GPSM1: variants seen among roughly 807,000 people sequenced by gnomAD.
GPSM1 encodes G protein signaling modulator 1.
A neutral mutation model predicts 70.5 loss-of-function variants in GPSM1; 48 were observed. That is an observed-to-expected ratio of 0.68 (90% confidence interval 0.54 to 0.87). The LOEUF is 0.87. GPSM1 is among the 40% of genes least tolerant of loss of function. The probability of loss-of-function intolerance (pLI) is 0.00; values close to 1 mark genes in which losing one functional copy is unlikely to be tolerated. For synonymous variants in GPSM1, 416 were observed against 430.1 expected (o/e 0.97, Z 0.41); for missense variants, 981 against 972.6 (o/e 1.01, Z -0.11).
intron 11 of GPSM1, among the ~76,000 whole-genome samples, 171 bp downstream of exon 11, chr9:136,349,934 C>T (rs1281230840): frequency 6.6e-6 from 1 of 152,216 alleles, no homozygotes; most frequent in Non-Finnish European, 1.5e-5. Flanking sequence ...GGTGGGGGCT[C>T]TGGGCAGGGC....
chr9:136,336,077 C>A lies in GPSM1; in HGVS notation c.402C>A (p.Ser134Arg), dbSNP rs782558868. 5 of 1,611,888 alleles carry A rather than the reference C, an allele frequency of 3.1e-6. No homozygotes were observed. The highest frequency in any genetic ancestry group is 3.4e-6 in the Non-Finnish European group (4 of 1,179,864). ...CCGTCTGCTGCCAGCGGCATCTGAG[C>A]ATCGCCCAAGAGCAGGGAGACAAGG... ...EAAVCCQRHL[S>R]IAQEQGDKVG... Residue 134 changes from serine to arginine, a missense_variant, in exon 3 of 14, where the codon AGC becomes AGA. Coordinates refer to ENST00000440944, the MANE Select transcript of GPSM1 (RefSeq NM_001145638.3).
At chr9:136,351,983 G>C (rs1832675657) in intron 11 of GPSM1, among the ~76,000 whole-genome samples, 1 of 151,638 alleles carries the variant, frequency 6.6e-6, no homozygotes, top group African/African-American at 2.4e-5. Flanking sequence ...TTCCCCCTCT[G>C]CTGGGGTCCT....
In GPSM1 at chr9:136,356,377, G is replaced by C; in HGVS notation, c.1648G>C (p.Glu550Gln). Residue 550 changes from glutamate to glutamine, a missense_variant, in exon 13 of 14, where the codon GAA becomes CAA. Transcript: ENST00000440944. ...GATGACGGCCTCGCCCCAGACCGAGGAATTCTTCGACCTCATCGCCAGCTC... is the reference window on the plus strand; with the variant it reads ...GATGACGGCCTCGCCCCAGACCGAGCAATTCTTCGACCTCATCGCCAGCTC... ...PSMTASPQTE[E>Q]FFDLIASSQS... 6.2e-7 allele frequency: 1 copy of C among 1,605,464 alleles called. No homozygotes were observed. Among genetic ancestry groups the C allele is most frequent in the Non-Finnish European group, 8.5e-7 (1 of 1,175,646 alleles).
chr9:136,352,118 G>A (rs1177644330), intron 11 of GPSM1, among the ~76,000 whole-genome samples: 12 of 147,404 alleles, frequency 8.1e-5, no homozygotes, highest in Non-Finnish European at 1.4e-4. Context: ...CCAATGCTGC[G>A]CCGTTGCTGT....
intron 5 of GPSM1, 88 bp from the exon 6 acceptor site, chr9:136,337,758 C>A: frequency 8.9e-7 from 1 of 1,129,476 alleles, no homozygotes. Flanking sequence ...CTCTGGCCGG[C>A]CACCTGGGCA....
chr9:136,358,146 C>T lies in GPSM1; in HGVS notation c.1954C>T (p.Leu652Phe). 1 of 1,606,218 alleles carries T rather than the reference C, an allele frequency of 6.2e-7. No homozygotes were observed. Among genetic ancestry groups the T allele is most frequent in the Non-Finnish European group, 8.5e-7 (1 of 1,177,114 alleles). ...GCGCATGGACGAGCAGCGGGTGGAC[C>T]TCGCCGGGGGCCCGGAGCAGGGGGC... is the stretch of plus-strand genomic sequence containing the variant. ...AKRMDEQRVD[L>F]AGGPEQGAGG... Residue 652 changes from leucine (L) to phenylalanine (F), a missense_variant, in exon 14 of 14, where the codon CTC (leucine) becomes TTC (phenylalanine). Transcript: ENST00000440944.
chr9:136,331,615 C>T (rs1170813383), intron 1 of GPSM1, among the ~76,000 whole-genome samples: 1 of 152,194 alleles, frequency 6.6e-6, no homozygotes, highest in East Asian at 1.9e-4. Context: ...ACGTGCCTGG[C>T]GCTCCCGAGT....
At position 136,342,328 on chromosome 9, in the gene GPSM1, G is replaced by A. The variant is rs970641930; in HGVS notation, c.1207+1335G>A. Among the ~76,000 whole-genome samples the A allele has an allele frequency of 2.2e-4, 33 of 152,156 alleles. No individual in the cohort carries two copies. The highest frequency in any genetic ancestry group is 7.9e-4 in the African/African-American group (33 of 41,522). ...GGGAGCAGCTCTGGAAAGGCTCCGCGGAGGCTGCGGCTCTGGGTCCTCCCG... is the reference window on the plus strand; with the variant it reads ...GGGAGCAGCTCTGGAAAGGCTCCGCAGAGGCTGCGGCTCTGGGTCCTCCCG... On this transcript the variant is annotated intron_variant, in intron 9 of 13. Transcript: ENST00000440944. This position sits in a 1 kb window ranked among gnomAD's most constrained non-coding sequence, Gnocchi z 5.5.
At chr9:136,349,418 C>T (rs1033093350) in intron 10 of GPSM1, among the ~76,000 whole-genome samples, 169 bp from the exon 11 acceptor site, 5 of 152,240 alleles carry the variant, frequency 3.3e-5, no homozygotes, top group African/African-American at 9.6e-5. Flanking sequence ...CTGCCTCTCC[C>T]GGCCCCAGCC....
In GPSM1 at chr9:136,355,835, A is replaced by T; in HGVS notation, c.1601A>T (p.Glu534Val). Reference protein sequence around the residue: ...AAEATAAPTLEDRIAQPSMTA... With the variant: ...AAEATAAPTLVDRIAQPSMTA... ...GAGGCCACGGCCGCCCCCACCCTGGAGGACAGGATCGGTGAGTGCCCCCCT... is the reference window on the plus strand; with the variant it reads ...GAGGCCACGGCCGCCCCCACCCTGGTGGACAGGATCGGTGAGTGCCCCCCT... The change falls in exon 12 of 14, where the codon GAG becomes GTG. Residue 534 changes from glutamate (E) to valine (V), a missense_variant. Transcript: ENST00000440944. The T allele has an allele frequency of 6.2e-7, 1 of 1,609,124 alleles. No individual in the cohort carries two copies. Among genetic ancestry groups the T allele is most frequent in the Non-Finnish European group, 8.5e-7 (1 of 1,177,858 alleles).
In GPSM1 at chr9:136,337,849, C is replaced by G. The variant is rs781797452; in HGVS notation, c.706C>G (p.Leu236Val). 19 of 1,609,980 alleles carry G rather than the reference C, an allele frequency of 1.2e-5. No individual in the cohort carries two copies. The highest frequency in any genetic ancestry group is 2.7e-5 in the African/African-American group (2 of 74,884). ...GGCCTCCGGTGTGTCTCCGCAGCGC[C>G]TGGCCATTGCTAAGGAGTTTGGAGA... ...TEATTFHKER[L>V]AIAKEFGDKA... is the part of the protein sequence containing the mutation. Residue 236 changes from leucine (L) to valine (V), a missense_variant, in exon 6 of 14, where the codon CTG becomes GTG. Leu to Val is a conservative substitution (Grantham distance 32). Coordinates refer to ENST00000440944, the MANE Select transcript of GPSM1 (RefSeq NM_001145638.3).
chr9:136,355,949 G>A (rs1564358494), intron 12 of GPSM1, 103 bp downstream of exon 12: 2 of 959,440 alleles, frequency 2.1e-6, no homozygotes, highest in South Asian at 3.3e-5. Context: ...GGGCAGACCA[G>A]CAGGCCAGCT....
rs782172119 is a variant in GPSM1, at chr9:136,341,055, C to T, written c.1207+62C>T. The T allele has an allele frequency of 9.4e-5, 146 of 1,553,998 alleles. No homozygotes were observed. Among genetic ancestry groups the T allele is most frequent in the South Asian group, 2.3e-4 (19 of 84,308 alleles). ...CAGGCACGGACCGCATCAGGAGCTG[C>T]GGAGGGGTGGGATCGAGGCCAGGCC... On this transcript the variant is annotated intron_variant, in intron 9 of 13. Coordinates refer to ENST00000440944, the MANE Select transcript of GPSM1 (RefSeq NM_001145638.3). The surrounding 1 kb of genome is among the most constrained non-coding windows in gnomAD (Gnocchi z 6.7).
intron 9 of GPSM1, among the ~76,000 whole-genome samples, chr9:136,347,603 C>A (rs1832553744): frequency 1.3e-5 from 2 of 152,216 alleles, no homozygotes; most frequent in Non-Finnish European, 1.5e-5. Context: ...GTGGCTGTGC[C>A]CCTGTCCGTC....
chr9:136,353,020 A>C (rs1178210007), intron 11 of GPSM1: 1 of 876,078 alleles, frequency 1.1e-6, no homozygotes, highest in Admixed American at 6.2e-5. Flanking sequence ...AGCCTCAGGC[A>C]TCCCAGCATT....
chr9:136,334,810 T>G, intron 2 of GPSM1, 142 bp downstream of exon 2: 1 of 634,312 alleles, frequency 1.6e-6, no homozygotes, highest in Non-Finnish European at 2.7e-6. Context: ...TGAGTGGGGA[T>G]GGCCCTGCTG....
chr9:136,342,288 A>G lies in GPSM1; in HGVS notation c.1207+1295A>G, dbSNP rs1832410172. On this transcript the variant is annotated intron_variant, in intron 9 of 13. Transcript: ENST00000440944. This position sits in a 1 kb window ranked among gnomAD's most constrained non-coding sequence, Gnocchi z 5.5. ...GCCACCATCTGGGACCCCAGCAGCAACTGGCAGCAGGGCTGGGAGCAGCTC... is the reference window on the plus strand; with the variant it reads ...GCCACCATCTGGGACCCCAGCAGCAGCTGGCAGCAGGGCTGGGAGCAGCTC... 6.6e-6 allele frequency among the ~76,000 whole-genome samples: 1 copy of G among 152,152 alleles called. No individual in the cohort carries two copies. Among genetic ancestry groups the G allele is most frequent in the South Asian group, 2.1e-4 (1 of 4,830 alleles).
At chr9:136,345,104 G>A (rs79544217) in intron 9 of GPSM1, among the ~76,000 whole-genome samples, 2,109 of 152,296 alleles carry the variant, frequency 0.014, 54 homozygotes, top group African/African-American at 0.049. Context: ...GCTGAAAATC[G>A]GGGTTGCTGA....
At chr9:136,355,880 G>A (rs200658238) in intron 12 of GPSM1, 34 bp downstream of exon 12, 162 of 1,567,590 alleles carry the variant, frequency 1.0e-4, no homozygotes, top group Non-Finnish European at 1.4e-4. Flanking sequence ...CCTCCCTTGG[G>A]CTTGTCTGCA....
Sources: allele counts gnomAD v4.1 joint callset (sites outside exome capture counted in the v4.1 genomes callset), GRCh38; gene constraint gnomAD v4.1.1; non-coding constraint Gnocchi (gnomAD v3.1); transcripts MANE v1.5; gene names NCBI Gene and HGNC (gene_info 2026-07-23, HGNC 2026-07-21).